OLR1: variants seen among roughly 807,000 people sequenced by gnomAD.
OLR1 encodes oxidized low-density lipoprotein receptor 1.
In OLR1, 23 loss-of-function variants were observed where a neutral mutation model predicts 31.7. The observed-to-expected ratio is 0.72, with a 90% CI of 0.52 to 1.03. OLR1 has a LOEUF of 1.03. Among genes scored for constraint, OLR1 ranks in the 50% least tolerant of loss-of-function variants. The pLI, the probability that OLR1 is intolerant of heterozygous loss-of-function variation, is 0.00. For missense variants in OLR1, 286 were observed against 315.7 expected (o/e 0.91, Z 0.71); for synonymous variants, 117 against 115.8 (o/e 1.01, Z -0.07).
chr12:10,171,183 T>C (rs1036928596), intron 1 of OLR1, among the ~76,000 whole-genome samples: 11 of 152,248 alleles, frequency 7.2e-5, no homozygotes, highest in African/African-American at 2.2e-4. Flanking sequence ...CTCACACTTA[T>C]GTTCTCTATT....
Position 10,166,958 on chromosome 12 carries a change from C to G in OLR1, c.179-1G>C. 1 of 1,611,586 alleles carries G rather than the reference C, an allele frequency of 6.2e-7. No individual in the cohort carries two copies. The highest frequency in any genetic ancestry group is 8.5e-7 in the Non-Finnish European group (1 of 1,179,334). On this transcript the variant is annotated splice_acceptor_variant, in intron 2 of 5. Transcript: ENST00000309539. LOFTEE classifies it high-confidence loss of function. ...GTTAGGAGGTCAGACACCTGGGATA[C>G]TGAATCACAGTTGCATTAAGACTCT...
chr12:10,168,385 T>C (rs941930101), intron 2 of OLR1, among the ~76,000 whole-genome samples: 28 of 152,246 alleles, frequency 1.8e-4, no homozygotes, highest in African/African-American at 6.5e-4. Context: ...AAATAAAATT[T>C]CTTTTACTTT....
intron 3 of OLR1, 30 bp from the exon 4 acceptor site, chr12:10,160,955 G>C: frequency 6.2e-7 from 1 of 1,602,470 alleles, no homozygotes; most frequent in Non-Finnish European, 8.5e-7. Context: ...TCATCAGTCA[G>C]TTATGTTTGT....
At chr12:10,176,127 CT>C (rs1269735685), upstream of OLR1, among the ~76,000 whole-genome samples, 1 of 152,178 alleles carries the variant, frequency 6.6e-6, no homozygotes, top group Non-Finnish European at 1.5e-5. Flanking sequence ...GCTACCTGCC[CT>C]TCTGTACCTG....
In OLR1 at chr12:10,169,509, ACT is replaced by A. The variant is rs1209133891; in HGVS notation, c.77-336_77-335del. ...TACTTTATCTACTTTCCCGACAATT[ACT>A]CCTCAAGAAACTCACAGTCTAGCTT... On this transcript the variant is annotated intron_variant, in intron 1 of 5. Coordinates refer to ENST00000309539, the MANE Select transcript of OLR1 (RefSeq NM_002543.4). Among the ~76,000 whole-genome samples the A allele has an allele frequency of 1.4e-4, 21 of 152,194 alleles. No homozygotes were observed. In the East Asian group the frequency reaches 3.5e-3, roughly 25 times the overall value.
chr12:10,165,290 C>T (rs1418910675), intron 3 of OLR1, among the ~76,000 whole-genome samples: 4 of 143,712 alleles, frequency 2.8e-5, no homozygotes, highest in East Asian at 4.1e-4. Flanking sequence ...ATTGGCCGGG[C>T]GTGGTGGTGG....
Position 10,158,607 on chromosome 12 carries a change from T to C in OLR1, c.*1273A>G, listed in dbSNP as rs978089788. The C allele has an allele frequency of 2.0e-5, 3 of 152,180 alleles. No individual in the cohort carries two copies. The highest frequency in any genetic ancestry group is 7.2e-5 in the African/African-American group (3 of 41,440). 9.4% of individuals were successfully genotyped at this position (152,180 alleles called of 1,614,324 possible). A position where few individuals can be genotyped will look rare whatever the true frequency, so the allele number is the denominator to read the frequency against. ...TGGGGAGGAGTCATCAGGAGGAGCA[T>C]TGTGACACTTTGAGGGATGATGGAT... On this transcript the variant is annotated 3_prime_UTR_variant, in exon 6 of 6. Transcript: ENST00000309539.
intron 1 of OLR1, among the ~76,000 whole-genome samples, chr12:10,171,168 C>A (rs35863710): frequency 2.3e-3 from 348 of 152,310 alleles, no homozygotes; most frequent in African/African-American, 7.7e-3. Flanking sequence ...TTAAATCACT[C>A]CATGCTCACA....
At chr12:10,161,030 A>ATTTTTG (rs748871918) in intron 3 of OLR1, 105 bp from the exon 4 acceptor site, 12 of 1,203,080 alleles carry the variant, frequency 1.0e-5, no homozygotes, top group East Asian at 2.4e-5. Context: ...CATACTATTT[A>ATTTTTG]TTTTTGTTTT....
intron 3 of OLR1, among the ~76,000 whole-genome samples, chr12:10,166,406 T>C (rs535761164): frequency 6.6e-6 from 1 of 151,370 alleles, no homozygotes; most frequent in East Asian, 2.0e-4. Flanking sequence ...TGGGAGCCTG[T>C]AGTCCCAACG....
At chr12:10,174,551 A>C (rs973380930), upstream of OLR1, among the ~76,000 whole-genome samples, 1 of 152,198 alleles carries the variant, frequency 6.6e-6, no homozygotes, top group African/African-American at 2.4e-5. Flanking sequence ...CCAGCTGTCT[A>C]TGGACTGGAA....
At chr12:10,162,074 G>A (rs369489069) in intron 3 of OLR1, among the ~76,000 whole-genome samples, 1 of 151,864 alleles carries the variant, frequency 6.6e-6, no homozygotes. Flanking sequence ...AAATTCACAG[G>A]GAGTCCACCA....
chr12:10,175,080 G>T (rs1446650258), upstream of OLR1, among the ~76,000 whole-genome samples: 1 of 152,118 alleles, frequency 6.6e-6, no homozygotes, highest in African/African-American at 2.4e-5. Context: ...AAAAATTTTA[G>T]AGGGCTCTCA....
chr12:10,159,669 A>G lies in OLR1; in HGVS notation c.*211T>C. 1 of 426,970 alleles carries G rather than the reference A, an allele frequency of 2.3e-6. No individual in the cohort carries two copies. The highest frequency in any genetic ancestry group is 4.3e-6 in the Non-Finnish European group (1 of 234,950). The allele number at this position is 426,970 out of a possible 1,614,324, so 26.4% of individuals were successfully genotyped here. A position where few individuals can be genotyped will look rare whatever the true frequency, so the allele number is the denominator to read the frequency against. ...TCAGGCTGGCAGGGAAGCTTGGGAC[A>G]AGCTAGGTGAAATAATACAGGTAGC... On this transcript the variant is annotated 3_prime_UTR_variant, in exon 6 of 6. Transcript: ENST00000309539.
At position 10,159,287 on chromosome 12, in the gene OLR1, A is replaced by AGTG. The variant is rs1555086605; in HGVS notation, c.*592_*593insCAC. 6.7e-6 allele frequency: 1 copy of AGTG among 148,286 alleles called. No individual in the cohort carries two copies. Among genetic ancestry groups the AGTG allele is most frequent in the Non-Finnish European group, 1.5e-5 (1 of 67,172 alleles). The allele number at this position is 148,286 out of a possible 1,614,324, so 9.2% of individuals were successfully genotyped here. A position where few individuals can be genotyped will look rare whatever the true frequency, so the allele number is the denominator to read the frequency against. On this transcript the variant is annotated 3_prime_UTR_variant, in exon 6 of 6. Transcript: ENST00000309539. ...TCTTGGGCTCCCCACTTGTCCCAAA[A>AGTG]TGTGTGTGTGTGTGTGTGTGTGTGT...
At chr12:10,166,561 G>C in intron 3 of OLR1, 151 bp downstream of exon 3, 1 of 774,874 alleles carries the variant, frequency 1.3e-6, no homozygotes. Context: ...AAAAGAAAAA[G>C]AAATTGAGAA....
Position 10,166,807 on chromosome 12 carries a change from G to T in OLR1, c.329C>A (p.Ala110Asp). ...NELKEMIETL[A>D]RKLNEKSKEQ... ...TTTGGATTTCTCATTCAGCTTCCGA[G>T]CAAGGGTTTCTATCATTTCCTTGAG... is the stretch of plus-strand genomic sequence containing the variant. The change falls in exon 3 of 6, where the codon GCT (alanine) becomes GAT (aspartate). Residue 110 changes from alanine (A) to aspartate (D), a missense_variant. Physicochemically the swap from Ala to Asp is moderately radical, Grantham distance 126. Coordinates refer to ENST00000309539, the MANE Select transcript of OLR1 (RefSeq NM_002543.4). 1.9e-6 allele frequency: 3 copies of T among 1,613,780 alleles called. No homozygotes were observed. The highest frequency in any genetic ancestry group is 2.5e-6 in the Non-Finnish European group (3 of 1,179,984).
chr12:10,174,111 A>T (rs2742107), upstream of OLR1, among the ~76,000 whole-genome samples: 4 of 151,642 alleles, frequency 2.6e-5, no homozygotes, highest in African/African-American at 7.3e-5. Flanking sequence ...CCCAGGGTGG[A>T]TTGCAATGGC....
chr12:10,164,654 G>T (rs934298454), intron 3 of OLR1, among the ~76,000 whole-genome samples: 2 of 152,200 alleles, frequency 1.3e-5, no homozygotes, highest in Non-Finnish European at 2.9e-5. Flanking sequence ...CACCTCCAAG[G>T]AAACAAAGTA....
Sources: allele counts gnomAD v4.1 joint callset (sites outside exome capture counted in the v4.1 genomes callset), GRCh38; gene constraint gnomAD v4.1.1; transcripts MANE v1.5; gene names NCBI Gene and HGNC (gene_info 2026-07-23, HGNC 2026-07-21).